EDIL3: variants seen among roughly 807,000 people sequenced by gnomAD.
EDIL3 encodes EGF-like repeat and discoidin I-like domain-containing protein 3.
EDIL3 carries 37 observed loss-of-function variants against 67.4 expected under a neutral mutation model. The ratio of observed to expected loss-of-function variants is 0.55; its 90% CI spans 0.42 to 0.72. The LOEUF (loss-of-function observed/expected upper bound fraction) is 0.72. Among genes scored for constraint, EDIL3 ranks in the 30% least tolerant of loss-of-function variants. The probability of loss-of-function intolerance (pLI) is 0.00; values close to 1 mark genes in which losing one functional copy is unlikely to be tolerated. For missense variants in EDIL3, 527 were observed against 586.3 expected (o/e 0.90, Z 1.04); for synonymous variants, 195 against 196.3 (o/e 0.99, Z 0.05).
intron 9 of EDIL3, among the ~76,000 whole-genome samples, chr5:84,007,771 C>T (rs575613068): frequency 6.6e-6 from 1 of 152,198 alleles, no homozygotes; most frequent in East Asian, 1.9e-4. Context: ...AATCCTACTG[C>T]TTTTGTATAC....
chr5:84,042,770 AAAT>A (rs778295702), intron 9 of EDIL3, among the ~76,000 whole-genome samples: 1 of 152,322 alleles, frequency 6.6e-6, no homozygotes, highest in East Asian at 1.9e-4. Flanking sequence ...GTAACGCAAA[AAAT>A]AATGATGCTT....
At chr5:84,331,884 A>C (rs1690010155) in intron 1 of EDIL3, among the ~76,000 whole-genome samples, 1 of 152,234 alleles carries the variant, frequency 6.6e-6, no homozygotes, top group South Asian at 2.1e-4. Context: ...AAGTAAATGC[A>C]TTATATGGTC....
intron 1 of EDIL3, among the ~76,000 whole-genome samples, chr5:84,264,183 T>C (rs550559391): frequency 5.0e-4 from 76 of 152,004 alleles, no homozygotes; most frequent in African/African-American, 1.6e-3. Flanking sequence ...GAGGTGGAGG[T>C]TGCAGCGAGC....
At chr5:84,342,804 G>A (rs1456771126) in intron 1 of EDIL3, among the ~76,000 whole-genome samples, 1 of 151,978 alleles carries the variant, frequency 6.6e-6, no homozygotes, top group Non-Finnish European at 1.5e-5. Flanking sequence ...ACACAGAACA[G>A]CAAGTCAATC....
intron 9 of EDIL3, among the ~76,000 whole-genome samples, chr5:84,001,585 A>G (rs2112169984): frequency 6.6e-6 from 1 of 152,256 alleles, no homozygotes; most frequent in East Asian, 1.9e-4. Context: ...CCAAATAAAT[A>G]AAGTCAGAAA....
intron 4 of EDIL3, among the ~76,000 whole-genome samples, chr5:84,174,406 C>T (rs1448527830): frequency 6.6e-6 from 1 of 152,178 alleles, no homozygotes; most frequent in African/African-American, 2.4e-5. Flanking sequence ...AATACACTCT[C>T]ATATATGGTA....
chr5:84,301,935 A>G (rs1318594358), intron 1 of EDIL3, among the ~76,000 whole-genome samples: 1 of 152,210 alleles, frequency 6.6e-6, no homozygotes, highest in East Asian at 1.9e-4. Flanking sequence ...TCATATTATC[A>G]AAGTCCTGTG....
At chr5:84,050,197 C>CAAAAAAAA (rs11335643) in intron 9 of EDIL3, among the ~76,000 whole-genome samples, 3 of 60,858 alleles carry the variant, frequency 4.9e-5, no homozygotes, top group African/African-American at 6.2e-5. Context: ...AACTCCATCT[C>CAAAAAAAA]AAAAAAAAAA....
chr5:84,252,844 G>A (rs949793425), intron 2 of EDIL3, among the ~76,000 whole-genome samples: 16 of 152,160 alleles, frequency 1.1e-4, no homozygotes, highest in Non-Finnish European at 1.6e-4. Context: ...ATGGCACTGT[G>A]TCAAACCTCC....
intron 5 of EDIL3, among the ~76,000 whole-genome samples, chr5:84,136,570 T>C (rs1748097445): frequency 6.6e-6 from 1 of 152,186 alleles, no homozygotes; most frequent in Admixed American, 6.5e-5. Flanking sequence ...TTCAAGACCC[T>C]ACTTTCTTCA....
At chr5:84,090,144 G>A (rs1747138544) in intron 6 of EDIL3, among the ~76,000 whole-genome samples, 1 of 152,116 alleles carries the variant, frequency 6.6e-6, no homozygotes, top group Non-Finnish European at 1.5e-5. Context: ...AAACAATTAA[G>A]CATTATTACC....
Position 84,384,446 on chromosome 5 carries a change from C to G in EDIL3, c.-72G>C. 6.7e-7 allele frequency: 1 copy of G among 1,495,500 alleles called. No individual in the cohort carries two copies. The highest frequency in any genetic ancestry group is 1.1e-5 in the South Asian group (1 of 87,172). 92.6% of individuals were successfully genotyped at this position (1,495,500 alleles called of 1,614,324 possible). On this transcript the variant is annotated 5_prime_UTR_variant, in exon 1 of 11. Transcript: ENST00000296591. ...GAGGGCAGTGTAGCCGAGGTGGCAG[C>G]GCAGGGCAGCAGCAGACTCCGCCCC...
chr5:84,231,249 G>A lies in EDIL3; in HGVS notation c.197-1365C>T, dbSNP rs575705669. Among the ~76,000 whole-genome samples the A allele has an allele frequency of 3.9e-5, 6 of 152,274 alleles. No homozygotes were observed. In the South Asian group the frequency reaches 1.2e-3, roughly 32 times the overall value. On this transcript the variant is annotated intron_variant, in intron 2 of 10. Transcript: ENST00000296591. ...TACTGCCCTGTGTATGTGGAGGATG[G>A]AGCACAGCAATTACAAGAGTGAAAA... is the stretch of plus-strand genomic sequence containing the variant.
intron 3 of EDIL3, among the ~76,000 whole-genome samples, chr5:84,227,039 C>T (rs990222953): frequency 2.0e-5 from 3 of 151,816 alleles, no homozygotes; most frequent in Non-Finnish European, 4.4e-5. Flanking sequence ...GCTAAAGCAC[C>T]AACACTGCTT....
rs1357470884 is a variant in EDIL3 at position 84,346,548 on chromosome 5, T to TG, written c.67+37759dup. 2.6e-5 allele frequency among the ~76,000 whole-genome samples: 4 copies of TG among 152,334 alleles called. No homozygotes were observed. The South Asian group carries it at 8.3e-4, about 32-fold the overall frequency. On this transcript the variant is annotated intron_variant, in intron 1 of 10. Coordinates refer to ENST00000296591, the MANE Select transcript of EDIL3 (RefSeq NM_005711.5). ...TTCTTGAGTATTCTCCTGAGGTAGA[T>TG]GAGTACAGTGTACATTTTTAGTTTT... is the stretch of plus-strand genomic sequence containing the variant.
chr5:84,130,636 T>C (rs1430629861), intron 5 of EDIL3, among the ~76,000 whole-genome samples: 3 of 152,130 alleles, frequency 2.0e-5, no homozygotes, highest in Non-Finnish European at 2.9e-5. Context: ...TTTAGTATTA[T>C]ATTATATAAA....
rs182553988 is a variant in EDIL3, at chr5:83,957,395, A to G, written c.1293+5810T>C. On this transcript the variant is annotated intron_variant, in intron 10 of 10. Coordinates refer to ENST00000296591, the MANE Select transcript of EDIL3 (RefSeq NM_005711.5). ...CAAATTTCAAAAGAACAGCATGAGT[A>G]TTATTGACTACTCATCTGACCTCTG... Among the ~76,000 whole-genome samples, 328 of 151,832 alleles carry G rather than the reference A, an allele frequency of 2.2e-3. 1 individual carries two copies. The highest frequency in any genetic ancestry group is 3.4e-3 in the Non-Finnish European group (233 of 67,794).
intron 1 of EDIL3, among the ~76,000 whole-genome samples, chr5:84,340,615 ACTCT>A (rs1232005499): frequency 4.9e-5 from 7 of 143,042 alleles, no homozygotes; most frequent in Non-Finnish European, 9.1e-5. Flanking sequence ...TAAAAATTGA[ACTCT>A]CTATTACCAA....
At chr5:83,969,075 T>C (rs1415971457) in intron 9 of EDIL3, among the ~76,000 whole-genome samples, 1 of 151,838 alleles carries the variant, frequency 6.6e-6, no homozygotes, top group African/African-American at 2.4e-5. Context: ...TTGGTTACAC[T>C]TTTCATCCAT....
Sources: gnomAD v4.1 joint callset for allele counts (sites outside exome capture counted in the v4.1 genomes callset) on GRCh38, gnomAD v4.1.1 for gene constraint, MANE v1.5 for transcripts, NCBI Gene and HGNC (gene_info 2026-07-23, HGNC 2026-07-21) for gene names.